Variants in DZIP1 observed in about 807,000 individuals in gnomAD.
The protein encoded by DZIP1 is DAZ interacting zinc finger protein 1.
In DZIP1, 97 loss-of-function variants were observed where a neutral mutation model predicts 107.6. The observed-to-expected ratio is 0.90, with a 90% CI of 0.77 to 1.07. DZIP1 has a LOEUF of 1.07. Among genes scored for constraint, DZIP1 ranks in the 50% least tolerant of loss-of-function variants. The pLI is 0.00. For missense variants in DZIP1, 1,035 were observed against 1,063.6 expected (o/e 0.97, Z 0.37); for synonymous variants, 390 against 386.4 (o/e 1.01, Z -0.11).
intron 10 of DZIP1, among the ~76,000 whole-genome samples, chr13:95,617,598 T>C (rs1188360828): frequency 6.9e-6 from 1 of 145,714 alleles, no homozygotes; most frequent in Non-Finnish European, 1.5e-5. Flanking sequence ...TTGCCAACAA[T>C]GAAAACCAGG....
At chr13:95,605,877 T>G in intron 14 of DZIP1, 126 bp downstream of exon 14, 2 of 931,598 alleles carry the variant, frequency 2.1e-6, no homozygotes, top group Admixed American at 5.0e-5. Context: ...AATAACTGTT[T>G]TGCAATCACT....
At chr13:95,618,343 A>T (rs1018556560) in intron 10 of DZIP1, among the ~76,000 whole-genome samples, 1 of 152,182 alleles carries the variant, frequency 6.6e-6, no homozygotes, top group African/African-American at 2.4e-5. Flanking sequence ...TCAGTGATAC[A>T]ATTTTCAATA....
chr13:95,595,578 C>T (rs1279359758), intron 15 of DZIP1, among the ~76,000 whole-genome samples: 1 of 151,898 alleles, frequency 6.6e-6, no homozygotes, highest in Non-Finnish European at 1.5e-5. Context: ...ATGAACAATC[C>T]ATCAAAATCA....
At position 95,641,822 on chromosome 13, in the gene DZIP1, T is replaced by G; in HGVS notation, c.70A>C (p.Ser24Arg). Reference protein sequence around the residue: ...FQKHVYYPLASGPEGPDVAVA... With the variant: ...FQKHVYYPLARGPEGPDVAVA... ...GCGACGTCGGGCCCCTCTGGGCCGC[T>G]GGCGAGCGGGTAGTAGACATGCTTC... Residue 24 changes from serine (S) to arginine (R), a missense_variant, in exon 5 of 23, where the codon AGC becomes CGC. Transcript: ENST00000376829. This position sits in a 1 kb window ranked among gnomAD's most constrained non-coding sequence, Gnocchi z 4.3. 5.2e-6 allele frequency: 7 copies of G among 1,351,282 alleles called. No homozygotes were observed. The highest frequency in any genetic ancestry group is 6.7e-6 in the Non-Finnish European group (7 of 1,046,856). The allele number at this position is 1,351,282 out of a possible 1,614,324, so 83.7% of individuals were successfully genotyped here. A position where few individuals can be genotyped will look rare whatever the true frequency, so the allele number is the denominator to read the frequency against.
At chr13:95,608,398 T>A (rs2044852829) in intron 13 of DZIP1, among the ~76,000 whole-genome samples, 1 of 151,844 alleles carries the variant, frequency 6.6e-6, no homozygotes, top group Non-Finnish European at 1.5e-5. Context: ...AATAGATAAT[T>A]TTGCATACTC....
At position 95,590,394 on chromosome 13, in the gene DZIP1, A is replaced by T; in HGVS notation, c.1728T>A (p.Ser576Arg). 3 of 1,613,322 alleles carry T rather than the reference A, an allele frequency of 1.9e-6. No individual in the cohort carries two copies. Among genetic ancestry groups the T allele is most frequent in the South Asian group, 2.2e-5 (2 of 90,772 alleles). ...SSDQLHRVLK[S>R]VESERHKQER... Reference sequence around the variant, plus strand: ...CTTGCTTATGTCTTTCTGATTCCACACTTTTTAGTACTCTATGCAACTGAT... The same window carrying T: ...CTTGCTTATGTCTTTCTGATTCCACTCTTTTTAGTACTCTATGCAACTGAT... The change falls in exon 17 of 23, where the codon AGT becomes AGA. Residue 576 changes from serine (S) to arginine (R), a missense_variant. Physicochemically the swap from Ser to Arg is moderately radical, Grantham distance 110. Transcript: ENST00000376829.
chr13:95,638,939 A>C (rs1878159373), intron 5 of DZIP1, among the ~76,000 whole-genome samples: 1 of 152,228 alleles, frequency 6.6e-6, no homozygotes, highest in Non-Finnish European at 1.5e-5. Flanking sequence ...GTATAGGGGA[A>C]GAAAGAAAAA....
At position 95,587,732 on chromosome 13, in the gene DZIP1, A is replaced by G; in HGVS notation, c.2028-3T>C. On this transcript the variant is annotated splice_region_variant and splice_polypyrimidine_tract_variant and intron_variant, in intron 19 of 22. Coordinates refer to ENST00000376829, the MANE Select transcript of DZIP1 (RefSeq NM_198968.4). Reference sequence around the variant, plus strand: ...CCTCTGAACTAAAAGGAGGGGTCCTACACAAATCAACACCGAGATAGGGGC... The same window carrying G: ...CCTCTGAACTAAAAGGAGGGGTCCTGCACAAATCAACACCGAGATAGGGGC... 6.2e-7 allele frequency: 1 copy of G among 1,611,508 alleles called. No individual in the cohort carries two copies. The highest frequency in any genetic ancestry group is 2.2e-5 in the East Asian group (1 of 44,834).
intron 20 of DZIP1, 74 bp downstream of exon 20, chr13:95,587,465 G>A: frequency 3.9e-6 from 6 of 1,550,510 alleles, no homozygotes; most frequent in Non-Finnish European, 5.2e-6. Flanking sequence ...CAGACTCCCA[G>A]TGCTCGGTAC....
In DZIP1 at chr13:95,587,672, G is replaced by T. The variant is rs754497843; in HGVS notation, c.2085C>A (p.Tyr695Ter). The change falls in exon 20 of 23, where the codon TAC (tyrosine) becomes TAA (stop). Residue 695 changes from tyrosine to a stop codon, truncating the protein, a stop_gained. Transcript: ENST00000376829. LOFTEE classifies it high-confidence loss of function. ...GCACAGGAAGTGGGCCTGGGGATGC[G>T]TATGCCCGGATGAGGTCGTCGTCCT... ...EQEDDDLIRA[Y>*]ASPGPLPVPP... 8.1e-6 allele frequency: 13 copies of T among 1,613,970 alleles called. No homozygotes were observed. The highest frequency in any genetic ancestry group is 1.7e-5 in the Admixed American group (1 of 60,002).
chr13:95,630,896 AAAG>A (rs1020448742), intron 6 of DZIP1: 32 of 418,960 alleles, frequency 7.6e-5, no homozygotes, highest in Non-Finnish European at 1.2e-4. Flanking sequence ...AACAGAAGAG[AAAG>A]AAGGTCAGTT....
chr13:95,590,725 C>A (rs868179107), intron 16 of DZIP1, among the ~76,000 whole-genome samples: 1 of 152,174 alleles, frequency 6.6e-6, no homozygotes, highest in African/African-American at 2.4e-5. Context: ...GGGAGGGAGG[C>A]CATCGAAGGC....
intron 6 of DZIP1, chr13:95,630,682 G>A (rs1486167642): frequency 8.3e-7 from 1 of 1,197,716 alleles, no homozygotes; most frequent in East Asian, 6.6e-5. Context: ...AGCAACAAGT[G>A]AAAGGAAGAA....
intron 14 of DZIP1, among the ~76,000 whole-genome samples, chr13:95,600,840 G>T (rs1390767038): frequency 6.6e-6 from 1 of 152,178 alleles, no homozygotes; most frequent in Non-Finnish European, 1.5e-5. Context: ...TTTAAGTCCA[G>T]CAGGTACCAC....
At chr13:95,629,905 G>T in intron 7 of DZIP1, 84 bp downstream of exon 7, 1 of 1,395,764 alleles carries the variant, frequency 7.2e-7, no homozygotes, top group Non-Finnish European at 9.5e-7. Context: ...ACTCTTAAGT[G>T]TCCTCTGTTT....
chr13:95,609,242 C>T (rs539930425), intron 13 of DZIP1, among the ~76,000 whole-genome samples: 11 of 152,188 alleles, frequency 7.2e-5, no homozygotes, highest in Admixed American at 7.2e-4. Context: ...GAAATAATAG[C>T]TATAGCTAAT....
chr13:95,594,119 A>G, intron 15 of DZIP1, 33 bp from the exon 16 acceptor site: 3 of 1,544,582 alleles, frequency 1.9e-6, no homozygotes, highest in Non-Finnish European at 1.8e-6. Flanking sequence ...TGTTAAAAAA[A>G]GAATTAAGCA....
intron 10 of DZIP1, among the ~76,000 whole-genome samples, chr13:95,616,605 T>C (rs1206581109): frequency 6.6e-6 from 1 of 152,062 alleles, no homozygotes; most frequent in African/African-American, 2.4e-5. Flanking sequence ...TGAGATATTA[T>C]GGGAATAATA....
chr13:95,638,233 G>T (rs1346750928), intron 5 of DZIP1, among the ~76,000 whole-genome samples: 1 of 151,906 alleles, frequency 6.6e-6, no homozygotes, highest in Non-Finnish European at 1.5e-5. Flanking sequence ...GGGATTACAG[G>T]TATGCGCCAC....
Sources: gnomAD v4.1 joint callset for allele counts (sites outside exome capture counted in the v4.1 genomes callset) on GRCh38, gnomAD v4.1.1 for gene constraint, Gnocchi (gnomAD v3.1) non-coding constraint, MANE v1.5 for transcripts, NCBI Gene and HGNC (gene_info 2026-07-23, HGNC 2026-07-21) for gene names.